SNX31: variants seen among roughly 807,000 people sequenced by gnomAD.
The protein encoded by SNX31 is sorting nexin-31.
SNX31 carries 58 observed loss-of-function variants against 65.4 expected under a neutral mutation model. That is an observed-to-expected ratio of 0.89 (90% confidence interval 0.72 to 1.10). The LOEUF (loss-of-function observed/expected upper bound fraction) is 1.10. Among genes scored for constraint, SNX31 ranks in the 50% least tolerant of loss-of-function variants. SNX31 has a pLI of 0.00. For synonymous variants in SNX31, 181 were observed against 190.1 expected (o/e 0.95, Z 0.39); for missense variants, 523 against 529.7 (o/e 0.99, Z 0.12).
chr8:100,616,821 AC>A (rs1372855594), intron 5 of SNX31, among the ~76,000 whole-genome samples: 2 of 152,210 alleles, frequency 1.3e-5, no homozygotes, highest in Admixed American at 1.3e-4. Flanking sequence ...AAAGGGTCAG[AC>A]ACCATAACCC....
Position 100,588,785 on chromosome 8 carries a change from G to C in SNX31, c.1092+81C>G. On this transcript the variant is annotated intron_variant, in intron 11 of 13. Coordinates refer to ENST00000311812, the MANE Select transcript of SNX31 (RefSeq NM_152628.4). The surrounding 1 kb of genome is among the most constrained non-coding windows in gnomAD (Gnocchi z 4.8). Reference sequence around the variant, plus strand: ...TTAGGGTCCTGCTCTAGTTGGGTTAGGGTCATGTGCTTCATCCACCCCAGC... The same window carrying C: ...TTAGGGTCCTGCTCTAGTTGGGTTACGGTCATGTGCTTCATCCACCCCAGC... 1 of 990,862 alleles carries C rather than the reference G, an allele frequency of 1.0e-6. No homozygotes were observed. The highest frequency in any genetic ancestry group is 1.4e-5 in the South Asian group (1 of 71,576). 61.4% of individuals were successfully genotyped at this position (990,862 alleles called of 1,614,324 possible).
chr8:100,597,057 A>G (rs1305430489), intron 9 of SNX31, among the ~76,000 whole-genome samples: 1 of 152,154 alleles, frequency 6.6e-6, no homozygotes, highest in African/African-American at 2.4e-5. Flanking sequence ...GTGTCCTTCC[A>G]GGGAAGGGAC....
chr8:100,578,958 G>A lies in SNX31; in HGVS notation c.1171-1883C>T, dbSNP rs868604728. On this transcript the variant is annotated intron_variant, in intron 12 of 13. Coordinates refer to ENST00000311812, the MANE Select transcript of SNX31 (RefSeq NM_152628.4). This position sits in a 1 kb window ranked among gnomAD's most constrained non-coding sequence, Gnocchi z 4.7. ...GCTGGTCTCAAACTCCTGACCTCAA[G>A]TGATCCACCTGCCTCGGCCTCCCAA... Among the ~76,000 whole-genome samples the A allele has an allele frequency of 1.3e-5, 2 of 152,070 alleles. No individual in the cohort carries two copies. The highest frequency in any genetic ancestry group is 2.1e-4 in the South Asian group (1 of 4,834).
Position 100,617,731 on chromosome 8 carries a change from CTA to C in SNX31, c.322-3_322-2del. The C allele has an allele frequency of 6.3e-7, 1 of 1,583,742 alleles. No individual in the cohort carries two copies. Among genetic ancestry groups the C allele is most frequent in the Non-Finnish European group, 8.6e-7 (1 of 1,164,926 alleles). On this transcript the variant is annotated splice_acceptor_variant and splice_polypyrimidine_tract_variant and intron_variant, in intron 4 of 13. Transcript: ENST00000311812. LOFTEE classifies it high-confidence loss of function. ...TCTTGGTGGCGATGTCAAATGTATT[CTA>C]TAAGCAAAAGAAAAGCAAAATAAAT...
At chr8:100,636,441 G>C (rs59659633) in intron 2 of SNX31, among the ~76,000 whole-genome samples, 8 of 152,096 alleles carry the variant, frequency 5.3e-5, no homozygotes, top group African/African-American at 1.9e-4. Flanking sequence ...ACCTAAAGCG[G>C]TAGCCACCAG....
rs117033658 is a variant in SNX31, at chr8:100,612,586, G to C, written c.523+409C>G. ...CACTATCTCATTACACTTGAAAAAA[G>C]AATCTAATAACTCATTGATACCATC... On this transcript the variant is annotated intron_variant, in intron 6 of 13. Transcript: ENST00000311812. This position sits in a 1 kb window ranked among gnomAD's most constrained non-coding sequence, Gnocchi z 4.3. 1.8e-3 allele frequency among the ~76,000 whole-genome samples: 279 copies of C among 152,136 alleles called. 5 individuals are homozygous for C. In the South Asian group the frequency reaches 0.029, roughly 16 times the overall value.
At chr8:100,639,999 C>G (rs1819045111) in intron 2 of SNX31, among the ~76,000 whole-genome samples, 1 of 152,184 alleles carries the variant, frequency 6.6e-6, no homozygotes, top group Non-Finnish European at 1.5e-5. Context: ...TTTGACCAAC[C>G]AAGTAGTAGT....
chr8:100,642,028 G>A (rs12545115), intron 2 of SNX31, among the ~76,000 whole-genome samples: 58,903 of 151,606 alleles, frequency 0.39, 11,857 homozygotes, highest in East Asian at 0.49. Context: ...GCAGTGAGCC[G>A]AGATCGCGCC....
At chr8:100,655,342 T>C (rs776357532) in intron 1 of SNX31, among the ~76,000 whole-genome samples, 4 of 152,208 alleles carry the variant, frequency 2.6e-5, no homozygotes, top group Admixed American at 2.0e-4. Flanking sequence ...AGCCAGGTGA[T>C]ATGGTTTGGC....
chr8:100,631,082 C>G lies in SNX31; in HGVS notation c.257-691G>C, dbSNP rs187652382. Among the ~76,000 whole-genome samples the G allele has an allele frequency of 7.2e-5, 11 of 152,196 alleles. No individual in the cohort carries two copies. In the East Asian group the frequency reaches 2.1e-3, roughly 29 times the overall value. Reference sequence around the variant, plus strand: ...GGATTACAGGTGTGAGCCACAGCACCCGGCCGAGAGCACCCCTTTGAATGA... The same window carrying G: ...GGATTACAGGTGTGAGCCACAGCACGCGGCCGAGAGCACCCCTTTGAATGA... On this transcript the variant is annotated intron_variant, in intron 3 of 13. Coordinates refer to ENST00000311812, the MANE Select transcript of SNX31 (RefSeq NM_152628.4).
Position 100,576,891 on chromosome 8 carries a change from C to T in SNX31, c.1227+128G>A. 1.3e-6 allele frequency: 1 copy of T among 794,370 alleles called. No individual in the cohort carries two copies. Among genetic ancestry groups the T allele is most frequent in the Non-Finnish European group, 2.0e-6 (1 of 490,606 alleles). The allele number at this position is 794,370 out of a possible 1,614,324, so 49.2% of individuals were successfully genotyped here. A position where few individuals can be genotyped will look rare whatever the true frequency, so the allele number is the denominator to read the frequency against. On this transcript the variant is annotated intron_variant, in intron 13 of 13. Transcript: ENST00000311812. The surrounding 1 kb of genome is among the most constrained non-coding windows in gnomAD (Gnocchi z 4.8). ...ATGGCCTTCCAATTGGCCCAATCTA[C>T]AAAGAGGAGCTTCTGAGAAACATAA... is the stretch of plus-strand genomic sequence containing the variant.
At chr8:100,608,813 T>C (rs1258131682) in intron 7 of SNX31, among the ~76,000 whole-genome samples, 5 of 152,218 alleles carry the variant, frequency 3.3e-5, no homozygotes, top group Non-Finnish European at 5.9e-5. Context: ...TTTAGGGGAA[T>C]GGTCTGCATC....
chr8:100,651,534 C>T (rs1022443575), upstream of SNX31, among the ~76,000 whole-genome samples: 1 of 152,206 alleles, frequency 6.6e-6, no homozygotes, highest in African/African-American at 2.4e-5. Flanking sequence ...ACAGGACAGG[C>T]CTCTGTGCAA....
At chr8:100,603,199 G>A (rs1044992607) in intron 8 of SNX31, among the ~76,000 whole-genome samples, 1 of 152,204 alleles carries the variant, frequency 6.6e-6, no homozygotes, top group Non-Finnish European at 1.5e-5. Flanking sequence ...AAAGCATGGT[G>A]TGAAGAATGA....
chr8:100,611,874 GC>G lies in SNX31; in HGVS notation c.611+125del. 5.5e-6 allele frequency: 4 copies of G among 722,900 alleles called. No homozygotes were observed. In the South Asian group the frequency reaches 7.2e-5, roughly 13 times the overall value. 44.8% of individuals were successfully genotyped at this position (722,900 alleles called of 1,614,324 possible). A position where few individuals can be genotyped will look rare whatever the true frequency, so the allele number is the denominator to read the frequency against. ...CCTGGCCTTCATTGCTTTTCTCAGA[GC>G]CTTCTCTAAGTTCTTGGTCTCCAGC... On this transcript the variant is annotated intron_variant, in intron 7 of 13. Transcript: ENST00000311812.
intron 5 of SNX31, among the ~76,000 whole-genome samples, chr8:100,616,076 A>G (rs547337496): frequency 6.6e-6 from 1 of 152,196 alleles, no homozygotes; most frequent in Non-Finnish European, 1.5e-5. Flanking sequence ...GCCTGGCCAA[A>G]ACATATCTAG....
At chr8:100,641,877 G>C (rs1431437337) in intron 2 of SNX31, among the ~76,000 whole-genome samples, 4 of 151,022 alleles carry the variant, frequency 2.6e-5, no homozygotes, top group Non-Finnish European at 5.9e-5. Context: ...AGGAGATCTA[G>C]ACCATCCTGG....
chr8:100,619,440 T>C (rs564817943), intron 4 of SNX31, among the ~76,000 whole-genome samples: 1 of 152,254 alleles, frequency 6.6e-6, no homozygotes, highest in South Asian at 2.1e-4. Context: ...AGGGGAAGGA[T>C]GTGTGCTAGA....
chr8:100,605,496 C>A (rs1816067145), intron 8 of SNX31, among the ~76,000 whole-genome samples: 1 of 152,088 alleles, frequency 6.6e-6, no homozygotes, highest in Non-Finnish European at 1.5e-5. Flanking sequence ...GGAGACTTTG[C>A]CAGGCAATGA....
Sources: allele counts gnomAD v4.1 joint callset (sites outside exome capture counted in the v4.1 genomes callset), GRCh38; gene constraint gnomAD v4.1.1; non-coding constraint Gnocchi (gnomAD v3.1); transcripts MANE v1.5; gene names NCBI Gene and HGNC (gene_info 2026-07-23, HGNC 2026-07-21).